Variants in PTP4A1 observed in about 807,000 individuals in gnomAD.
PTP4A1 encodes the protein protein tyrosine phosphatase type IVA 1.
A neutral mutation model predicts 20.5 loss-of-function variants in PTP4A1; 9 were observed. The ratio of observed to expected loss-of-function variants is 0.44; its 90% CI spans 0.26 to 0.77. The LOEUF (loss-of-function observed/expected upper bound fraction) is 0.77, where lower values mean the gene tolerates loss of function less well. Ranked by LOEUF, PTP4A1 falls within the 30% of genes least tolerant of loss-of-function variation. The probability of loss-of-function intolerance (pLI) is 0.19; values close to 1 mark genes in which losing one functional copy is unlikely to be tolerated. For synonymous variants in PTP4A1, 78 were observed against 67.4 expected (o/e 1.16, Z -0.77); for missense variants, 137 against 218.8 (o/e 0.63, Z 2.36).
chr6:63,525,582 A>G (rs2149473841), intron 1 of PTP4A1, among the ~76,000 whole-genome samples: 1 of 151,610 alleles, frequency 6.6e-6, no homozygotes, highest in East Asian at 1.9e-4. Flanking sequence ...GCTCCACTGG[A>G]CTCTCCTCTG....
chr6:63,540,807 A>T (rs1775930119), intron 2 of PTP4A1, among the ~76,000 whole-genome samples: 2 of 151,424 alleles, frequency 1.3e-5, no homozygotes, highest in Admixed American at 1.3e-4. Flanking sequence ...CTCTACTAGG[A>T]CCAAAATGGT....
At chr6:63,548,429 G>T (rs1162996373) in intron 2 of PTP4A1, among the ~76,000 whole-genome samples, 1 of 152,162 alleles carries the variant, frequency 6.6e-6, no homozygotes, top group Non-Finnish European at 1.5e-5. Flanking sequence ...GCTACTCACA[G>T]CAGTATTTAT....
chr6:63,579,058 T>TA, intron 4 of PTP4A1, 30 bp downstream of exon 4: 1 of 1,540,410 alleles, frequency 6.5e-7, no homozygotes, highest in Non-Finnish European at 8.7e-7. Flanking sequence ...TGATTCTAGG[T>TA]AAAAATCTAT....
upstream of PTP4A1, among the ~76,000 whole-genome samples, chr6:63,570,186 C>T (rs1400785704): frequency 6.6e-6 from 1 of 152,030 alleles, no homozygotes; most frequent in Non-Finnish European, 1.5e-5. Flanking sequence ...AACAAATTAG[C>T]CAGGTGTGGT....
In PTP4A1 at chr6:63,548,852, C is replaced by T. The variant is rs1009336265; in HGVS notation, c.-639-1448C>T. ...CATTGTAGTCAGTCCTGATAGCTCC[C>T]ACTAGCTTAGCCAAAGCGCCTTTGT... On this transcript the variant is annotated intron_variant, in intron 2 of 3. Coordinates refer to the PTP4A1 transcript ENST00000639568. 2.4e-5 allele frequency: 18 copies of T among 760,640 alleles called. No individual in the cohort carries two copies. In the African/African-American group the frequency reaches 2.9e-4, roughly 12 times the overall value. 47.1% of individuals were successfully genotyped at this position (760,640 alleles called of 1,614,324 possible).
intron 3 of PTP4A1, among the ~76,000 whole-genome samples, chr6:63,553,097 G>A (rs1776523756): frequency 6.6e-6 from 1 of 152,166 alleles, no homozygotes; most frequent in African/African-American, 2.4e-5. Flanking sequence ...TAGAGAGAAT[G>A]TATATCTGTG....
intron 1 of PTP4A1, among the ~76,000 whole-genome samples, chr6:63,527,535 C>A (rs1775241559): frequency 6.6e-6 from 1 of 152,010 alleles, no homozygotes; most frequent in Admixed American, 6.6e-5. Flanking sequence ...ATACTGTGTC[C>A]ACAGTATTAT....
At chr6:63,530,745 AC>A (rs1333110391) in intron 2 of PTP4A1, among the ~76,000 whole-genome samples, 3 of 152,360 alleles carry the variant, frequency 2.0e-5, no homozygotes, top group African/African-American at 7.2e-5. Flanking sequence ...CTAGAGGCAT[AC>A]CTGAATTCAT....
At chr6:63,548,504 C>A (rs1338894833) in intron 2 of PTP4A1, among the ~76,000 whole-genome samples, 1 of 152,198 alleles carries the variant, frequency 6.6e-6, no homozygotes, top group Non-Finnish European at 1.5e-5. Flanking sequence ...ATCGTAGCAG[C>A]CTGTGAGCTA....
chr6:63,537,248 G>A (rs895249795), intron 2 of PTP4A1, among the ~76,000 whole-genome samples: 11 of 152,096 alleles, frequency 7.2e-5, no homozygotes. Flanking sequence ...TAGCATCAAC[G>A]TCCCCTGGGA....
intron 2 of PTP4A1, among the ~76,000 whole-genome samples, chr6:63,535,290 C>G (rs559326087): frequency 3.3e-5 from 5 of 151,964 alleles, no homozygotes; most frequent in Non-Finnish European, 7.4e-5. Context: ...CATGGTGAAA[C>G]CCCGTTTCTA....
At chr6:63,549,636 T>A (rs946939539) in intron 2 of PTP4A1, 1 of 474,724 alleles carries the variant, frequency 2.1e-6, no homozygotes, top group African/African-American at 2.0e-5. Flanking sequence ...CATACAAAAA[T>A]GGAATCCTGT....
At chr6:63,560,338 CAAA>C (rs369689231) in intron 3 of PTP4A1, among the ~76,000 whole-genome samples, 2 of 50,576 alleles carry the variant, frequency 4.0e-5, no homozygotes, top group Non-Finnish European at 4.3e-5. Context: ...GACTCCGTCT[CAAA>C]AAAAAAAAAA....
chr6:63,580,157 A>T lies in PTP4A1; in HGVS notation c.505A>T (p.Asn169Tyr), dbSNP rs769218125. ...CAAAGATTCCAACGGTCATAGAAACAACTGTTGCATTCAATAAAATTGGGG... is the reference window on the plus strand; with the variant it reads ...CAAAGATTCCAACGGTCATAGAAACTACTGTTGCATTCAATAAAATTGGGG... ...RFKDSNGHRNNCCIQ is the reference protein window; with the variant it reads ...RFKDSNGHRNYCCIQ Residue 169 changes from asparagine to tyrosine, a missense_variant, in exon 6 of 6, where the codon AAC (asparagine) becomes TAC (tyrosine). Asn to Tyr is a moderately radical substitution (Grantham distance 143). Transcript: ENST00000626021. 1 of 1,611,502 alleles carries T rather than the reference A, an allele frequency of 6.2e-7. No individual in the cohort carries two copies. Among genetic ancestry groups the T allele is most frequent in the Non-Finnish European group, 8.5e-7 (1 of 1,177,860 alleles).
chr6:63,521,330 A>T (rs1193202457), upstream of PTP4A1, among the ~76,000 whole-genome samples: 1 of 152,238 alleles, frequency 6.6e-6, no homozygotes, highest in Non-Finnish European at 1.5e-5. Context: ...ATTCTAGCAT[A>T]AAGTGAGTCA....
chr6:63,553,482 T>C (rs1006271866), intron 3 of PTP4A1, among the ~76,000 whole-genome samples: 3 of 152,208 alleles, frequency 2.0e-5, no homozygotes, highest in African/African-American at 7.2e-5. Flanking sequence ...AAGTTCTTCT[T>C]GGCCAAGACA....
At chr6:63,543,625 G>A (rs1398825427) in intron 2 of PTP4A1, among the ~76,000 whole-genome samples, 5 of 152,138 alleles carry the variant, frequency 3.3e-5, no homozygotes, top group African/African-American at 1.2e-4. Flanking sequence ...TGGAAAGAAG[G>A]TTGTGACCTA....
At chr6:63,577,202 CT>C (rs1306086573) in intron 2 of PTP4A1, among the ~76,000 whole-genome samples, 1 of 152,086 alleles carries the variant, frequency 6.6e-6, no homozygotes, top group Non-Finnish European at 1.5e-5. Flanking sequence ...CCTGAGTTTG[CT>C]TGAATTGGTA....
chr6:63,528,937 A>G (rs548206723), intron 2 of PTP4A1, among the ~76,000 whole-genome samples: 202 of 151,862 alleles, frequency 1.3e-3, no homozygotes, highest in African/African-American at 4.6e-3. Flanking sequence ...AAAAATACAA[A>G]AATTAGCTGG....
Sources: gnomAD v4.1 joint callset for allele counts (sites outside exome capture counted in the v4.1 genomes callset) on GRCh38, gnomAD v4.1.1 for gene constraint, MANE v1.5 for transcripts, NCBI Gene and HGNC (gene_info 2026-07-23, HGNC 2026-07-21) for gene names.